WDR7: variants seen among roughly 807,000 people sequenced by gnomAD.
WDR7 encodes WD repeat domain 7, also known as WD repeat-containing protein 7.
Under a neutral mutation model 169.4 loss-of-function variants are expected in WDR7, and 46 were observed. The observed-to-expected ratio is 0.27, with a 90% CI of 0.21 to 0.35. The LOEUF (loss-of-function observed/expected upper bound fraction) is 0.35, where lower values mean the gene tolerates loss of function less well. Among genes scored for constraint, WDR7 ranks in the 10% least tolerant of loss-of-function variants. The probability of loss-of-function intolerance (pLI) is 1.00; values close to 1 mark genes in which losing one functional copy is unlikely to be tolerated. For missense variants in WDR7, 1,534 were observed against 1,859.3 expected, an observed-to-expected ratio of 0.83 and a Z score of 3.22; for synonymous variants, 612 against 666.8, an observed-to-expected ratio of 0.92 and a Z score of 1.27.
At chr18:57,018,492 A>G in intron 26 of WDR7, among the ~76,000 whole-genome samples, 1 of 152,244 alleles carries the variant, frequency 6.6e-6, no homozygotes, top group East Asian at 1.9e-4. Flanking sequence ...GCACATGCTC[A>G]GGCTGAAGTG....
At chr18:56,985,744 C>T (rs2145842171) in intron 26 of WDR7, among the ~76,000 whole-genome samples, 1 of 152,020 alleles carries the variant, frequency 6.6e-6, no homozygotes, top group East Asian at 1.9e-4. Context: ...TCCTAATCCA[C>T]AATTAGCATT....
At chr18:56,813,840 C>T (rs967825833) in intron 19 of WDR7, among the ~76,000 whole-genome samples, 1 of 152,134 alleles carries the variant, frequency 6.6e-6, no homozygotes, top group Non-Finnish European at 1.5e-5. Context: ...CTTTCAGCCT[C>T]AGTTACTTTG....
chr18:56,913,446 C>T (rs986331632), intron 21 of WDR7, among the ~76,000 whole-genome samples: 3 of 151,830 alleles, frequency 2.0e-5, no homozygotes, highest in African/African-American at 7.3e-5. Context: ...TACATCTAAT[C>T]CCTAAATTAA....
chr18:56,780,486 G>GT (rs1409999050), intron 18 of WDR7, among the ~76,000 whole-genome samples: 1 of 152,112 alleles, frequency 6.6e-6, no homozygotes, highest in Non-Finnish European at 1.5e-5. Context: ...TAAAAAAGTT[G>GT]TTTTTATTTA....
At chr18:56,745,939 G>A (rs961929038) in intron 14 of WDR7, among the ~76,000 whole-genome samples, 3 of 152,226 alleles carry the variant, frequency 2.0e-5, no homozygotes, top group Admixed American at 6.5e-5. Context: ...GACCTATATG[G>A]ATGTTGAACT....
At chr18:57,001,312 G>A (rs759437016) in intron 26 of WDR7, among the ~76,000 whole-genome samples, 4 of 152,066 alleles carry the variant, frequency 2.6e-5, no homozygotes, top group Non-Finnish European at 4.4e-5. Context: ...CATCCTTACC[G>A]AGAAATGGTA....
At chr18:56,699,162 C>T (rs1386559543) in intron 12 of WDR7, among the ~76,000 whole-genome samples, 1 of 152,064 alleles carries the variant, frequency 6.6e-6, no homozygotes, top group African/African-American at 2.4e-5. Context: ...ATAATGACTG[C>T]CTAGTTAATA....
intron 19 of WDR7, among the ~76,000 whole-genome samples, chr18:56,802,079 G>A (rs971000537): frequency 5.3e-5 from 8 of 152,154 alleles, no homozygotes; most frequent in African/African-American, 1.9e-4. Flanking sequence ...CCAAGAAGGC[G>A]TGAGTTTTCC....
chr18:56,705,963 A>G (rs900006998), intron 12 of WDR7, among the ~76,000 whole-genome samples: 13 of 152,174 alleles, frequency 8.5e-5, no homozygotes, highest in Non-Finnish European at 1.6e-4. Flanking sequence ...GCGCCACTGT[A>G]CTCCAGCCTG....
intron 25 of WDR7, among the ~76,000 whole-genome samples, chr18:56,952,050 T>C (rs765610381): frequency 1.3e-5 from 2 of 152,222 alleles, no homozygotes; most frequent in Non-Finnish European, 2.9e-5. Flanking sequence ...AATTATCTTA[T>C]CCGCTTCCAC....
intron 7 of WDR7, 53 bp from the exon 8 acceptor site, chr18:56,691,163 C>T: frequency 6.4e-7 from 1 of 1,555,380 alleles, no homozygotes; most frequent in Non-Finnish European, 8.6e-7. Context: ...GTCACTGGAT[C>T]TTACTTTTTA....
At chr18:56,816,684 A>G (rs541835073) in intron 20 of WDR7, among the ~76,000 whole-genome samples, 1 of 151,658 alleles carries the variant, frequency 6.6e-6, no homozygotes, top group Non-Finnish European at 1.5e-5. Flanking sequence ...ATTTTAGGAA[A>G]CTCACACACT....
chr18:57,004,830 G>T (rs1221734208), intron 26 of WDR7, among the ~76,000 whole-genome samples: 1 of 152,114 alleles, frequency 6.6e-6, no homozygotes, highest in Non-Finnish European at 1.5e-5. Flanking sequence ...ATGACATTGA[G>T]TTCTGAGTTT....
At position 57,027,367 on chromosome 18, in the gene WDR7, G is replaced by A; in HGVS notation, c.*160G>A. 1 of 841,302 alleles carries A rather than the reference G, an allele frequency of 1.2e-6. No individual in the cohort carries two copies. Among genetic ancestry groups the A allele is most frequent in the Non-Finnish European group, 1.8e-6 (1 of 552,406 alleles). 52.1% of individuals were successfully genotyped at this position (841,302 alleles called of 1,614,324 possible). A position where few individuals can be genotyped will look rare whatever the true frequency, so the allele number is the denominator to read the frequency against. ...TGTCACTTGTGCATGCTTCTCAGGGGCAGAACCCGCTCGTGCCATCTGTCG... is the reference window on the plus strand; with the variant it reads ...TGTCACTTGTGCATGCTTCTCAGGGACAGAACCCGCTCGTGCCATCTGTCG... On this transcript the variant is annotated 3_prime_UTR_variant, in exon 28 of 28. Transcript: ENST00000254442.
rs1188149161 is a variant in WDR7 at position 56,924,058 on chromosome 18, T to C, written c.3663T>C (p.Val1221=). 4 of 1,613,532 alleles carry C rather than the reference T, an allele frequency of 2.5e-6. No individual in the cohort carries two copies. Among genetic ancestry groups the C allele is most frequent in the Non-Finnish European group, 3.4e-6 (4 of 1,179,834 alleles). Residue 1221 remains valine (V), a synonymous_variant, in exon 22 of 28, where the codon GTT becomes GTC. Transcript: ENST00000254442. ...AGCCTTACATGGATGTGTCCGCTGT[T>C]CTGATGGGGCTTCTCGAACTTTGTG... ...VWEPYMDVSA[V]LMGLLELCAD...
chr18:56,696,539 C>A, intron 12 of WDR7, 77 bp downstream of exon 12: 2 of 1,170,930 alleles, frequency 1.7e-6, no homozygotes, highest in Non-Finnish European at 2.4e-6. Context: ...TAAATGGAAT[C>A]TAGACTAACT....
At chr18:56,993,193 AT>A (rs1391835153) in intron 26 of WDR7, among the ~76,000 whole-genome samples, 1 of 152,186 alleles carries the variant, frequency 6.6e-6, no homozygotes, top group Non-Finnish European at 1.5e-5. Flanking sequence ...AAAGCTGGTT[AT>A]TTTGGAAATA....
chr18:57,002,816 G>A lies in WDR7; in HGVS notation c.4165-17929G>A, dbSNP rs1177033853. ...GTAATGAGGGAATCACAGCAGGAGA[G>A]CCTCCTAACAAATGAGAGGCATATA... On this transcript the variant is annotated intron_variant, in intron 26 of 27. Coordinates refer to ENST00000254442, the MANE Select transcript of WDR7 (RefSeq NM_015285.3). Among the ~76,000 whole-genome samples the A allele has an allele frequency of 2.6e-5, 4 of 152,208 alleles. No individual in the cohort carries two copies. In the East Asian group the frequency reaches 7.7e-4, roughly 29 times the overall value.
At chr18:56,686,763 G>A in intron 6 of WDR7, 92 bp from the exon 7 acceptor site, 2 of 1,077,722 alleles carry the variant, frequency 1.9e-6, no homozygotes, top group Non-Finnish European at 2.8e-6. Context: ...ATGAAGCGAT[G>A]CCTTTATTTA....
Sources: allele counts gnomAD v4.1 joint callset (sites outside exome capture counted in the v4.1 genomes callset), GRCh38; gene constraint gnomAD v4.1.1; transcripts MANE v1.5; gene names NCBI Gene and HGNC (gene_info 2026-07-23, HGNC 2026-07-21).